CARD8: variants seen among roughly 807,000 people sequenced by gnomAD.
CARD8 encodes the protein caspase recruitment domain family member 8.
Under a neutral mutation model 53.2 loss-of-function variants are expected in CARD8, and 38 were observed. The observed-to-expected ratio is 0.71, with a 90% CI of 0.55 to 0.94. The LOEUF is 0.94. Ranked by LOEUF, CARD8 falls within the 40% of genes least tolerant of loss-of-function variation. CARD8 has a pLI of 0.00. For missense variants in CARD8, 561 were observed against 655.5 expected, an observed-to-expected ratio of 0.86 and a Z score of 1.57; for synonymous variants, 245 against 244.9, an observed-to-expected ratio of 1.00 and a Z score of 0.00.
chr19:48,204,691 C>A (rs546868832), downstream of CARD8, among the ~76,000 whole-genome samples: 3 of 152,182 alleles, frequency 2.0e-5, no homozygotes, highest in African/African-American at 7.2e-5. Flanking sequence ...GAAAAGGGGA[C>A]TGTTGTCCTC....
chr19:48,223,453 A>G (rs986698769), intron 10 of CARD8, among the ~76,000 whole-genome samples: 2 of 152,184 alleles, frequency 1.3e-5, no homozygotes, highest in African/African-American at 4.8e-5. Context: ...GATGGGGGTA[A>G]GGCAGAGAAG....
In CARD8 at chr19:48,235,537, C is replaced by T. The variant is rs16981848; in HGVS notation, c.210-994G>A. Among the ~76,000 whole-genome samples, 292 of 152,178 alleles carry T rather than the reference C, an allele frequency of 1.9e-3. 1 individual carries two copies. Among genetic ancestry groups the T allele is most frequent in the African/African-American group, 6.6e-3 (272 of 41,514 alleles). ...CTGGGTAATGGACATAGGCATAGGA[C>T]GTCTGGCAACAAAATCTGCTTTGAA... On this transcript the variant is annotated intron_variant, in intron 5 of 13. Transcript: ENST00000651546.
At position 48,234,523 on chromosome 19, in the gene CARD8, C is replaced by G. The variant is rs752629550; in HGVS notation, c.230G>C (p.Cys77Ser). ...TNDTVYRELP[C>S]VSETLCDISH... Reference sequence around the variant, plus strand: ...GATGTCACAAAGGGTCTCAGAAACACAGGGTAGCTCCCTGTATACCCTGGA... The same window carrying G: ...GATGTCACAAAGGGTCTCAGAAACAGAGGGTAGCTCCCTGTATACCCTGGA... The change falls in exon 6 of 14, where the codon TGT (cysteine) becomes TCT (serine). Residue 77 changes from cysteine to serine, a missense_variant. Cys to Ser is a moderately radical substitution (Grantham distance 112, BLOSUM62 -1). Transcript: ENST00000651546. 1.4e-5 allele frequency: 22 copies of G among 1,613,338 alleles called. No individual in the cohort carries two copies. The highest frequency in any genetic ancestry group is 1.7e-5 in the Non-Finnish European group (20 of 1,179,796).
intron 10 of CARD8, among the ~76,000 whole-genome samples, chr19:48,226,223 T>G (rs1286584972): frequency 6.6e-6 from 1 of 152,096 alleles, no homozygotes; most frequent in Non-Finnish European, 1.5e-5. Context: ...CTTTCCAACA[T>G]TTATTTTATT....
chr19:48,240,855 G>A (rs2044875289), intron 4 of CARD8, 107 bp downstream of exon 4: 2 of 916,598 alleles, frequency 2.2e-6, no homozygotes, highest in South Asian at 2.9e-5. Flanking sequence ...AATGTGAGCA[G>A]AACCTTTCTT....
At chr19:48,207,514 G>A (rs981533313), downstream of CARD8, among the ~76,000 whole-genome samples, 1 of 151,944 alleles carries the variant, frequency 6.6e-6, no homozygotes, top group Non-Finnish European at 1.5e-5. Context: ...TGAGGTTTCT[G>A]ATAACTAGAC....
In CARD8 at chr19:48,241,071, A is replaced by G. The variant is rs553855359; in HGVS notation, c.-43-8T>C. The G allele has an allele frequency of 7.5e-5, 106 of 1,415,826 alleles. 1 individual carries two copies. The East Asian group carries it at 2.3e-3, about 31-fold the overall frequency. 87.7% of individuals were successfully genotyped at this position (1,415,826 alleles called of 1,614,324 possible). ...TACTGTATCTTTTTTACCCTGAAAA[A>G]ATAAAAGGAGGTTGTATTTAGGTAC... On this transcript the variant is annotated splice_region_variant and splice_polypyrimidine_tract_variant and intron_variant, in intron 3 of 13. Transcript: ENST00000651546.
At chr19:48,226,053 CAAAAA>C (rs35050640) in intron 10 of CARD8, among the ~76,000 whole-genome samples, 1 of 78,446 alleles carries the variant, frequency 1.3e-5, no homozygotes. Flanking sequence ...GACTCCGTCT[CAAAAA>C]AAAAAAAAAA....
intron 1 of CARD8, 163 bp from the exon 2 acceptor site, chr19:48,250,010 A>G (rs997890254): frequency 4.0e-5 from 6 of 150,928 alleles, no homozygotes; most frequent in African/African-American, 1.5e-4. Flanking sequence ...TAATCTCTCC[A>G]TACTCAAGTT....
chr19:48,246,660 GA>G, intron 3 of CARD8, among the ~76,000 whole-genome samples: 1 of 152,202 alleles, frequency 6.6e-6, no homozygotes, highest in South Asian at 2.1e-4. Context: ...CAAAGGATAT[GA>G]ACATGAAATT....
At chr19:48,220,949 A>G (rs950698086) in intron 11 of CARD8, among the ~76,000 whole-genome samples, 180 of 4,556 alleles carry the variant, frequency 0.04, 1 homozygote, top group African/African-American at 0.097. Flanking sequence ...GAAAGAAAGG[A>G]AAGGAAAGGA....
intron 11 of CARD8, among the ~76,000 whole-genome samples, chr19:48,220,484 C>G (rs2040256941): frequency 6.6e-6 from 1 of 152,152 alleles, no homozygotes; most frequent in African/African-American, 2.4e-5. Context: ...AATTAAAGAC[C>G]TTGAAATCAC....
chr19:48,224,727 G>A (rs952804875), intron 10 of CARD8, among the ~76,000 whole-genome samples: 1 of 150,688 alleles, frequency 6.6e-6, no homozygotes, highest in African/African-American at 2.4e-5. Flanking sequence ...AAAATTTCAA[G>A]AGGTACCTAC....
intron 10 of CARD8, among the ~76,000 whole-genome samples, chr19:48,229,728 T>C (rs2042482802): frequency 6.6e-6 from 1 of 152,238 alleles, no homozygotes; most frequent in Non-Finnish European, 1.5e-5. Flanking sequence ...CTTTAATAAG[T>C]GCATTAGAGG....
At chr19:48,204,130 G>C (rs1218875280), downstream of CARD8, 1 of 454,416 alleles carries the variant, frequency 2.2e-6, no homozygotes, top group African/African-American at 2.0e-5. Flanking sequence ...TGGGCGCCGG[G>C]GCTGCAGTCT....
chr19:48,240,187 T>C (rs1410750088), intron 4 of CARD8, among the ~76,000 whole-genome samples: 2 of 152,216 alleles, frequency 1.3e-5, no homozygotes, highest in Non-Finnish European at 2.9e-5. Context: ...AAACAGTGCA[T>C]TCATTTTCTA....
chr19:48,250,725 A>G (rs946380914), intron 1 of CARD8, among the ~76,000 whole-genome samples: 2 of 152,202 alleles, frequency 1.3e-5, no homozygotes, highest in African/African-American at 2.4e-5. Context: ...AGAGATTTGA[A>G]GGATGTGGCT....
At chr19:48,207,732 C>CTGTTTTTTTTTTTTT (rs1555790089), downstream of CARD8, among the ~76,000 whole-genome samples, 4,890 of 90,536 alleles carry the variant, frequency 0.054, 269 homozygotes, top group African/African-American at 0.1. Context: ...TGTTGTTTTT[C>CTGTTTTTTTTTTTTT]TGTTTTTTTT....
downstream of CARD8, among the ~76,000 whole-genome samples, chr19:48,207,742 T>TCC (rs1555790196): frequency 7.6e-6 from 1 of 132,442 alleles, no homozygotes; most frequent in East Asian, 2.1e-4. Context: ...CTGTTTTTTT[T>TCC]TTTTTTTTTT....
Sources: allele counts gnomAD v4.1 joint callset (sites outside exome capture counted in the v4.1 genomes callset), GRCh38; gene constraint gnomAD v4.1.1; transcripts MANE v1.5; gene names NCBI Gene and HGNC (gene_info 2026-07-23, HGNC 2026-07-21).